Variants in CRAMP1 observed in about 807,000 individuals in gnomAD.
The protein encoded by CRAMP1 is protein cramped-like.
Under a neutral mutation model 115.4 loss-of-function variants are expected in CRAMP1, and 50 were observed. The ratio of observed to expected loss-of-function variants is 0.43; its 90% CI spans 0.35 to 0.55. CRAMP1 has a LOEUF of 0.55. Among genes scored for constraint, CRAMP1 ranks in the 20% least tolerant of loss-of-function variants. The pLI, the probability that CRAMP1 is intolerant of heterozygous loss-of-function variation, is 0.01. For synonymous variants in CRAMP1, 866 were observed against 745.4 expected, an observed-to-expected ratio of 1.16 and a Z score of -2.64; for missense variants, 1,679 against 1,721.7, an observed-to-expected ratio of 0.98 and a Z score of 0.44.
At chr16:1,655,392 G>A (rs1441390862) in intron 9 of CRAMP1, 92 bp downstream of exon 9, 19 of 997,318 alleles carry the variant, frequency 1.9e-5, no homozygotes, top group Non-Finnish European at 2.9e-5. Flanking sequence ...TCATCGTCAT[G>A]GTCCCCGTGG....
At chr16:1,615,147 C>T (rs1340928669) in intron 2 of CRAMP1, among the ~76,000 whole-genome samples, 162 bp downstream of exon 2, 6 of 152,246 alleles carry the variant, frequency 3.9e-5, no homozygotes, top group African/African-American at 1.2e-4. Context: ...TGTGTCCCCT[C>T]TCTCCTTCGA....
intron 10 of CRAMP1, among the ~76,000 whole-genome samples, chr16:1,657,203 A>C (rs866344060): frequency 1.3e-4 from 20 of 152,206 alleles, no homozygotes; most frequent in African/African-American, 4.8e-4. Context: ...CTCTCCACAG[A>C]CTACTTTCCT....
At chr16:1,662,353 G>C (rs1024683696) in intron 11 of CRAMP1, 137 bp from the exon 12 acceptor site, 6 of 675,044 alleles carry the variant, frequency 8.9e-6, no homozygotes, top group Non-Finnish European at 1.6e-5. Context: ...GACTGAGATA[G>C]AGGTGTCTCC....
rs369465187 is a variant in CRAMP1 at position 1,655,972 on chromosome 16, A to C, written c.1215A>C (p.Thr405=). 1 of 1,613,026 alleles carries C rather than the reference A, an allele frequency of 6.2e-7. No homozygotes were observed. Among genetic ancestry groups the C allele is most frequent in the Non-Finnish European group, 8.5e-7 (1 of 1,179,870 alleles). Residue 405 remains threonine, a synonymous_variant, in exon 10 of 21, where the codon ACA becomes ACC. Transcript: ENST00000397412. Reference sequence around the variant, plus strand: ...ACTTGTTCCCAGGCGAGAACTGTACACTGACACCGCTGCCGGGCGTGGCTC... The same window carrying C: ...ACTTGTTCCCAGGCGAGAACTGTACCCTGACACCGCTGCCGGGCGTGGCTC... The part of the protein sequence containing the change: ...TLHLFPGENC[T]LTPLPGVARV...
chr16:1,625,378 A>G (rs1207912233), intron 2 of CRAMP1, among the ~76,000 whole-genome samples: 1 of 151,884 alleles, frequency 6.6e-6, no homozygotes, highest in African/African-American at 2.4e-5. Flanking sequence ...CTATAATAGG[A>G]TTTGCAAGGT....
Position 1,674,917 on chromosome 16 carries a change from A to G in CRAMP1, c.*872A>G, listed in dbSNP as rs1228822753. 1 of 152,226 alleles carries G rather than the reference A, an allele frequency of 6.6e-6. No homozygotes were observed. The highest frequency in any genetic ancestry group is 1.5e-5 in the Non-Finnish European group (1 of 68,036). The allele number at this position is 152,226 out of a possible 1,614,324, so 9.4% of individuals were successfully genotyped here. A position where few individuals can be genotyped will look rare whatever the true frequency, so the allele number is the denominator to read the frequency against. ...GACCCTTAGGCGCTAATATGATTAC[A>G]GCGAAGACTTTCCTGATAAGTTCTC... On this transcript the variant is annotated 3_prime_UTR_variant, in exon 21 of 21. Coordinates refer to ENST00000397412, the MANE Select transcript of CRAMP1 (RefSeq NM_020825.4).
chr16:1,658,287 C>A (rs544082602), intron 10 of CRAMP1, among the ~76,000 whole-genome samples: 1 of 152,208 alleles, frequency 6.6e-6, no homozygotes, highest in African/African-American at 2.4e-5. Flanking sequence ...TCGGGGGTCG[C>A]ATAGCAGGGA....
At chr16:1,662,727 G>A (rs771966106) in intron 12 of CRAMP1, 34 bp from the exon 13 acceptor site, 2 of 1,613,638 alleles carry the variant, frequency 1.2e-6, no homozygotes, top group Non-Finnish European at 8.5e-7. Flanking sequence ...TCTGGAGAGT[G>A]CACCTTCAGG....
Position 1,655,924 on chromosome 16 carries a change from G to C in CRAMP1, c.1167G>C (p.Pro389=). The C allele has an allele frequency of 6.2e-7, 1 of 1,613,002 alleles. No homozygotes were observed. Among genetic ancestry groups the C allele is most frequent in the Non-Finnish European group, 8.5e-7 (1 of 1,179,762 alleles). ...AGCTGCAGGACTCATGCTCCGCACC[G>C]ATGCAGGAGAAGGTGACACTGCACT... ...ERQLQDSCSA[P]MQEKVTLHLF... The change falls in exon 10 of 21, where the codon CCG becomes CCC. Residue 389 remains proline (P), a synonymous_variant. Coordinates refer to ENST00000397412, the MANE Select transcript of CRAMP1 (RefSeq NM_020825.4).
chr16:1,659,827 C>G lies in CRAMP1; in HGVS notation c.2236-59C>G, dbSNP rs548046806. On this transcript the variant is annotated intron_variant, in intron 10 of 20. Transcript: ENST00000397412. ...TTCTTGTGCCTCCTACTCCAGGGCA[C>G]GCAAGAGCCATTTCTCATGTGCTGA... is the stretch of plus-strand genomic sequence containing the variant. 33 of 1,506,404 alleles carry G rather than the reference C, an allele frequency of 2.2e-5. 1 individual carries two copies. In the South Asian group the frequency reaches 3.7e-4, roughly 17 times the overall value. The allele number at this position is 1,506,404 out of a possible 1,614,324, so 93.3% of individuals were successfully genotyped here.
chr16:1,670,253 C>A (rs539989045), intron 19 of CRAMP1, among the ~76,000 whole-genome samples: 1 of 151,616 alleles, frequency 6.6e-6, no homozygotes, highest in Admixed American at 6.6e-5. Flanking sequence ...AAGAGCGAGA[C>A]CCTGCCTTTA....
At chr16:1,652,247 A>G (rs2036730774) in intron 6 of CRAMP1, among the ~76,000 whole-genome samples, 1 of 152,246 alleles carries the variant, frequency 6.6e-6, no homozygotes, top group South Asian at 2.1e-4. Flanking sequence ...AGGAGGGCAC[A>G]GCACATTTTC....
intron 2 of CRAMP1, among the ~76,000 whole-genome samples, chr16:1,615,842 C>T (rs1233246410): frequency 6.6e-6 from 1 of 152,224 alleles, no homozygotes; most frequent in African/African-American, 2.4e-5. Flanking sequence ...ATAACATCAG[C>T]TTCCAGTGAG....
chr16:1,623,545 A>G (rs1567447476), intron 2 of CRAMP1, among the ~76,000 whole-genome samples: 1 of 152,258 alleles, frequency 6.6e-6, no homozygotes, highest in Non-Finnish European at 1.5e-5. Context: ...GCTAGCAAAA[A>G]TAAACCTGAT....
At chr16:1,635,720 C>A (rs764119394) in intron 4 of CRAMP1, among the ~76,000 whole-genome samples, 6 of 152,166 alleles carry the variant, frequency 3.9e-5, no homozygotes, top group Non-Finnish European at 4.4e-5. Flanking sequence ...AAGCATACAA[C>A]TTAGTGGTTC....
chr16:1,624,147 CTTTTT>C (rs1461318676), intron 2 of CRAMP1, among the ~76,000 whole-genome samples: 1 of 146,462 alleles, frequency 6.8e-6, no homozygotes, highest in Non-Finnish European at 1.5e-5. Context: ...TTTTTTTTTT[CTTTTT>C]TAAGTTCTTT....
In CRAMP1 at chr16:1,612,667, G is replaced by A. The variant is rs1411370728; in HGVS notation, c.-2+10G>A. On this transcript the variant is annotated intron_variant, in intron 1 of 20. Coordinates refer to ENST00000397412, the MANE Select transcript of CRAMP1 (RefSeq NM_020825.4). ...GGCGTTGATGAAAAAGGTGACCAAG[G>A]CTGGGCGGCGGGGCTGTCATGGCGA... Among the ~76,000 whole-genome samples, 1 of 151,936 alleles carries A rather than the reference G, an allele frequency of 6.6e-6. No individual in the cohort carries two copies. Among genetic ancestry groups the A allele is most frequent in the African/African-American group, 2.4e-5 (1 of 41,380 alleles).
intron 10 of CRAMP1, among the ~76,000 whole-genome samples, chr16:1,658,452 A>G (rs1307430722): frequency 6.6e-6 from 1 of 152,176 alleles, no homozygotes; most frequent in African/African-American, 2.4e-5. Context: ...CTGAGAGGGC[A>G]GGCAGCAGTT....
chr16:1,666,356 G>A lies in CRAMP1; in HGVS notation c.2858-66G>A. On this transcript the variant is annotated intron_variant, in intron 15 of 20. Transcript: ENST00000397412. The surrounding 1 kb of genome is among the most constrained non-coding windows in gnomAD (Gnocchi z 5.0). ...GTGCGAGGGAGAAGCTGTTCCCCGA[G>A]CCCTCTTGGGACATCTTATGGGTTG... 1 of 1,483,600 alleles carries A rather than the reference G, an allele frequency of 6.7e-7. No homozygotes were observed. The highest frequency in any genetic ancestry group is 1.4e-5 in the African/African-American group (1 of 72,184). The allele number at this position is 1,483,600 out of a possible 1,614,324, so 91.9% of individuals were successfully genotyped here. A position where few individuals can be genotyped will look rare whatever the true frequency, so the allele number is the denominator to read the frequency against.
Sources: gnomAD v4.1 joint callset for allele counts (sites outside exome capture counted in the v4.1 genomes callset) on GRCh38, gnomAD v4.1.1 for gene constraint, Gnocchi (gnomAD v3.1) non-coding constraint, MANE v1.5 for transcripts, NCBI Gene and HGNC (gene_info 2026-07-23, HGNC 2026-07-21) for gene names.